The following SPICE1 variants were observed in gnomAD, a reference collection of about 807,000 sequenced individuals.
SPICE1 encodes spindle and centriole-associated protein 1.
A neutral mutation model predicts 102.7 loss-of-function variants in SPICE1; 75 were observed. That is an observed-to-expected ratio of 0.73 (90% CI 0.61 to 0.88). The LOEUF (loss-of-function observed/expected upper bound fraction) is 0.88. Among genes scored for constraint, SPICE1 ranks in the 40% least tolerant of loss-of-function variants. SPICE1 has a pLI of 0.00. For synonymous variants in SPICE1, 308 were observed against 350.3 expected (o/e 0.88, Z 1.35); for missense variants, 979 against 1,020.1 (o/e 0.96, Z 0.55).
chr3:113,488,351 G>T (rs1227380078), intron 7 of SPICE1, among the ~76,000 whole-genome samples: 2 of 152,080 alleles, frequency 1.3e-5, no homozygotes, highest in African/African-American at 4.8e-5. Context: ...CAAACTAAGT[G>T]CCCAACGACC....
At chr3:113,458,612 G>A (rs1935842787) in intron 12 of SPICE1, among the ~76,000 whole-genome samples, 1 of 152,212 alleles carries the variant, frequency 6.6e-6, no homozygotes, top group South Asian at 2.1e-4. Context: ...TGCCGAGATT[G>A]CAGCCTCTGC....
intron 1 of SPICE1, among the ~76,000 whole-genome samples, chr3:113,513,531 C>T (rs529760243): frequency 1.8e-4 from 28 of 152,266 alleles, no homozygotes; most frequent in South Asian, 1.5e-3. Flanking sequence ...CATCATACCC[C>T]AAATCTCTAC....
intron 7 of SPICE1, among the ~76,000 whole-genome samples, chr3:113,484,165 T>C (rs965688375): frequency 3.3e-5 from 5 of 152,250 alleles, no homozygotes; most frequent in Non-Finnish European, 7.3e-5. Context: ...TTCTAGTTTA[T>C]TTGCATAGAG....
At chr3:113,506,679 A>C in intron 1 of SPICE1, 74 bp from the exon 2 acceptor site, 4 of 1,139,168 alleles carry the variant, frequency 3.5e-6, no homozygotes, top group Non-Finnish European at 2.5e-6. Flanking sequence ...GGGGGAAGAC[A>C]CCTGAAAAAA....
chr3:113,500,435 T>C (rs187909373), intron 3 of SPICE1, among the ~76,000 whole-genome samples: 3 of 152,072 alleles, frequency 2.0e-5, no homozygotes, highest in East Asian at 1.9e-4. Flanking sequence ...CTGAGGAGAT[T>C]TGAATATGGG....
chr3:113,513,252 T>C (rs186113169), intron 1 of SPICE1, among the ~76,000 whole-genome samples: 1 of 151,020 alleles, frequency 6.6e-6, no homozygotes, highest in Non-Finnish European at 1.5e-5. Context: ...AAAAAAAAAA[T>C]TTTTTTTAAT....
chr3:113,497,886 T>C (rs938925989), intron 4 of SPICE1, among the ~76,000 whole-genome samples: 2 of 151,324 alleles, frequency 1.3e-5, no homozygotes, highest in African/African-American at 4.9e-5. Flanking sequence ...GGGCTTTTTT[T>C]TTTTTTTGGT....
intron 17 of SPICE1, 37 bp downstream of exon 17, chr3:113,446,552 C>T (rs1182798570): frequency 1.4e-6 from 2 of 1,472,364 alleles, no homozygotes; most frequent in Non-Finnish European, 1.9e-6. Context: ...CTACCCTCAC[C>T]CCTATATGCA....
intron 10 of SPICE1, among the ~76,000 whole-genome samples, chr3:113,467,082 G>A (rs1321403706): frequency 2.0e-5 from 3 of 152,110 alleles, no homozygotes; most frequent in African/African-American, 4.8e-5. Flanking sequence ...TTAGGAAGAC[G>A]GCTCTAGAGA....
chr3:113,468,110 A>G (rs902903222), intron 10 of SPICE1, 29 bp downstream of exon 10: 2 of 1,502,574 alleles, frequency 1.3e-6, no homozygotes, highest in Non-Finnish European at 1.8e-6. Context: ...CTGCCTGAAA[A>G]GAAGACTCTA....
chr3:113,476,351 C>T (rs1387765976), intron 7 of SPICE1, among the ~76,000 whole-genome samples: 1 of 151,468 alleles, frequency 6.6e-6, no homozygotes, highest in Middle Eastern at 3.4e-3. Context: ...TGAAAATGGC[C>T]ATACTGCCCA....
chr3:113,452,706 G>A (rs1313708385), intron 14 of SPICE1, among the ~76,000 whole-genome samples: 3 of 152,046 alleles, frequency 2.0e-5, no homozygotes, highest in South Asian at 4.2e-4. Flanking sequence ...CAGGCTGGGC[G>A]CAGTGGCTCA....
At chr3:113,479,546 G>C (rs908245421) in intron 7 of SPICE1, among the ~76,000 whole-genome samples, 1 of 151,928 alleles carries the variant, frequency 6.6e-6, no homozygotes, top group Admixed American at 6.6e-5. Context: ...CTGAGGAATC[G>C]CCACACTGAC....
At chr3:113,472,833 G>A (rs1421493307) in intron 7 of SPICE1, among the ~76,000 whole-genome samples, 3 of 152,074 alleles carry the variant, frequency 2.0e-5, no homozygotes, top group African/African-American at 7.2e-5. Context: ...ACAAAGATGG[G>A]GAAGAAACAG....
chr3:113,480,524 T>G (rs1382491875), intron 7 of SPICE1, among the ~76,000 whole-genome samples: 1 of 151,278 alleles, frequency 6.6e-6, no homozygotes, highest in Non-Finnish European at 1.5e-5. Flanking sequence ...CCAAATAGAA[T>G]TTACTGCAGA....
At chr3:113,464,899 G>A (rs984238774) in intron 11 of SPICE1, among the ~76,000 whole-genome samples, 2 of 152,092 alleles carry the variant, frequency 1.3e-5, no homozygotes, top group African/African-American at 4.8e-5. Flanking sequence ...TTGAGCCCTG[G>A]AGTTCGAGAC....
intron 16 of SPICE1, 117 bp from the exon 17 acceptor site, chr3:113,446,793 C>T: frequency 1.2e-6 from 1 of 801,918 alleles, no homozygotes; most frequent in Admixed American, 2.2e-5. Flanking sequence ...ATATGGCTAA[C>T]TTAGGTCCAA....
chr3:113,442,913 A>G lies in SPICE1; in HGVS notation c.*2394T>C, dbSNP rs1219128923. 1.3e-5 allele frequency: 2 copies of G among 152,194 alleles called. No individual in the cohort carries two copies. The highest frequency in any genetic ancestry group is 2.4e-5 in the African/African-American group (1 of 41,458). The allele number at this position is 152,194 out of a possible 1,614,324, so 9.4% of individuals were successfully genotyped here. A position where few individuals can be genotyped will look rare whatever the true frequency, so the allele number is the denominator to read the frequency against. On this transcript the variant is annotated 3_prime_UTR_variant, in exon 18 of 18. Transcript: ENST00000295872. Reference sequence around the variant, plus strand: ...AAACATAGGGTAAACTTATTTTTAAATAGCATGTTATTTATATTTTCAAAT... The same window carrying G: ...AAACATAGGGTAAACTTATTTTTAAGTAGCATGTTATTTATATTTTCAAAT...
At chr3:113,487,643 C>T (rs189972554) in intron 7 of SPICE1, among the ~76,000 whole-genome samples, 5 of 152,100 alleles carry the variant, frequency 3.3e-5, no homozygotes, top group East Asian at 3.9e-4. Flanking sequence ...AAAGAAGATA[C>T]GTTAAAAGGA....
Sources: gnomAD v4.1 joint callset for allele counts (sites outside exome capture counted in the v4.1 genomes callset) on GRCh38, gnomAD v4.1.1 for gene constraint, MANE v1.5 for transcripts, NCBI Gene and HGNC (gene_info 2026-07-23, HGNC 2026-07-21) for gene names.